Variants in THRB observed in about 807,000 individuals in gnomAD.
THRB encodes nuclear receptor subfamily 1 group A member 2.
In THRB, 12 loss-of-function variants were observed where a neutral mutation model predicts 47.8. The observed-to-expected ratio is 0.25, with a 90% CI of 0.16 to 0.41. THRB has a LOEUF of 0.41. Ranked by LOEUF, THRB falls within the 10% of genes least tolerant of loss-of-function variation. THRB has a pLI of 1.00. For synonymous variants in THRB, 218 were observed against 212.2 expected (o/e 1.03, Z -0.24); for missense variants, 348 against 589.2 (o/e 0.59, Z 4.24).
At chr3:24,148,370 G>A (rs755774953) in intron 6 of THRB, among the ~76,000 whole-genome samples, 27 of 152,072 alleles carry the variant, frequency 1.8e-4, no homozygotes, top group Non-Finnish European at 3.5e-4. Flanking sequence ...TCAGTGATCC[G>A]TCCTCCTTGG....
At chr3:24,262,061 T>C (rs1183442925) in intron 3 of THRB, among the ~76,000 whole-genome samples, 3 of 152,230 alleles carry the variant, frequency 2.0e-5, no homozygotes, top group Admixed American at 6.5e-5. Context: ...GACCTCTCCT[T>C]GAACTCTAGA....
At chr3:24,460,781 A>G (rs1418156326) in intron 1 of THRB, among the ~76,000 whole-genome samples, 1 of 152,200 alleles carries the variant, frequency 6.6e-6, no homozygotes, top group Non-Finnish European at 1.5e-5. Flanking sequence ...GTTTCTATTT[A>G]CTAAGATTCT....
chr3:24,278,823 T>C (rs1016843466), intron 3 of THRB, among the ~76,000 whole-genome samples: 4 of 152,196 alleles, frequency 2.6e-5, no homozygotes, highest in Non-Finnish European at 5.9e-5. Flanking sequence ...CATTCATTCC[T>C]TACATTTATA....
At chr3:24,492,262 G>A (rs868359725) in intron 1 of THRB, among the ~76,000 whole-genome samples, 2 of 152,188 alleles carry the variant, frequency 1.3e-5, no homozygotes, top group Non-Finnish European at 1.5e-5. Context: ...CTGTGCTCAT[G>A]GATTCGATAT....
chr3:24,437,461 C>T (rs938298809), intron 1 of THRB, among the ~76,000 whole-genome samples: 1 of 151,798 alleles, frequency 6.6e-6, no homozygotes, highest in Non-Finnish European at 1.5e-5. Flanking sequence ...GTCTAGCACT[C>T]GAAAGTACAG....
At chr3:24,423,626 A>T (rs2150316158) in intron 1 of THRB, among the ~76,000 whole-genome samples, 1 of 152,000 alleles carries the variant, frequency 6.6e-6, no homozygotes, top group South Asian at 2.1e-4. Flanking sequence ...AATGCCTTAT[A>T]TGTGAAGCAG....
chr3:24,247,471 A>G (rs895782414), intron 3 of THRB, among the ~76,000 whole-genome samples: 2 of 152,182 alleles, frequency 1.3e-5, no homozygotes, highest in Non-Finnish European at 2.9e-5. Flanking sequence ...TAAAGTTAAG[A>G]GATGTGACTC....
chr3:24,353,366 C>T (rs1304178192), intron 1 of THRB, among the ~76,000 whole-genome samples: 3 of 152,064 alleles, frequency 2.0e-5, no homozygotes, highest in Non-Finnish European at 4.4e-5. Context: ...ACCCAGCTGG[C>T]TACAGGCAAA....
intron 4 of THRB, among the ~76,000 whole-genome samples, chr3:24,215,032 A>T (rs1362604498): frequency 3.3e-5 from 5 of 152,234 alleles, no homozygotes; most frequent in Non-Finnish European, 5.9e-5. Flanking sequence ...TTACAGATCC[A>T]TCATTCACTA....
Position 24,491,817 on chromosome 3 carries a change from C to A in THRB, c.-261+2835G>T, listed in dbSNP as rs150000639. On this transcript the variant is annotated intron_variant, in intron 1 of 10. Transcript: ENST00000646209. ...GCTTCTGGAACTCATAAAGATTCTGCTGAAATTCAGGGAGTTGAAGGTCAA... is the reference window on the plus strand; with the variant it reads ...GCTTCTGGAACTCATAAAGATTCTGATGAAATTCAGGGAGTTGAAGGTCAA... 2.0e-5 allele frequency among the ~76,000 whole-genome samples: 3 copies of A among 152,304 alleles called. No individual in the cohort carries two copies. In the East Asian group the frequency reaches 5.8e-4, roughly 29 times the overall value.
intron 1 of THRB, among the ~76,000 whole-genome samples, chr3:24,439,357 T>C (rs936553944): frequency 6.6e-6 from 1 of 152,110 alleles, no homozygotes; most frequent in African/African-American, 2.4e-5. Context: ...TTCTCACACC[T>C]ACAGGAGCTG....
intron 5 of THRB, among the ~76,000 whole-genome samples, chr3:24,187,934 C>G (rs2042807179): frequency 1.3e-5 from 2 of 152,152 alleles, no homozygotes; most frequent in South Asian, 4.1e-4. Flanking sequence ...AAGGCATTGC[C>G]TCATGCCTAT....
chr3:24,441,435 G>A (rs2071513460), intron 1 of THRB, among the ~76,000 whole-genome samples: 1 of 152,192 alleles, frequency 6.6e-6, no homozygotes, highest in Non-Finnish European at 1.5e-5. Flanking sequence ...ACCTGGAGAG[G>A]TCTTTTGTGC....
chr3:24,384,442 A>G (rs2065934848), intron 1 of THRB, among the ~76,000 whole-genome samples: 1 of 152,170 alleles, frequency 6.6e-6, no homozygotes, highest in African/African-American at 2.4e-5. Flanking sequence ...ACAGCAAAGA[A>G]ATCTCATTCA....
intron 5 of THRB, among the ~76,000 whole-genome samples, chr3:24,183,655 G>A (rs945649027): frequency 6.7e-6 from 1 of 149,460 alleles, no homozygotes; most frequent in Non-Finnish European, 1.5e-5. Flanking sequence ...TTACAGGTGT[G>A]AGCGACGGCG....
At chr3:24,372,083 G>A (rs1429337992) in intron 1 of THRB, among the ~76,000 whole-genome samples, 2 of 152,074 alleles carry the variant, frequency 1.3e-5, no homozygotes, top group African/African-American at 4.8e-5. Context: ...TGACAAATCT[G>A]TGAGACAGAT....
intron 1 of THRB, among the ~76,000 whole-genome samples, chr3:24,403,789 A>C (rs2067611429): frequency 6.6e-6 from 1 of 151,992 alleles, no homozygotes; most frequent in African/African-American, 2.4e-5. Flanking sequence ...TGCAGATAGA[A>C]GTTTGAGGGT....
chr3:24,208,160 G>A (rs1174004374), intron 4 of THRB, among the ~76,000 whole-genome samples: 2 of 151,940 alleles, frequency 1.3e-5, no homozygotes, highest in African/African-American at 4.8e-5. Flanking sequence ...GACCTCTTCA[G>A]GGAGAACTAC....
intron 1 of THRB, among the ~76,000 whole-genome samples, chr3:24,447,596 T>C (rs185067410): frequency 1.3e-5 from 2 of 152,190 alleles, no homozygotes; most frequent in African/African-American, 4.8e-5. Context: ...AGGGGCACCA[T>C]GACCCTCTTC....
Sources: allele counts gnomAD v4.1 joint callset (sites outside exome capture counted in the v4.1 genomes callset), GRCh38; gene constraint gnomAD v4.1.1; transcripts MANE v1.5; gene names NCBI Gene and HGNC (gene_info 2026-07-23, HGNC 2026-07-21).